Variants in PRKCH observed in about 807,000 individuals in gnomAD.
PRKCH encodes the protein protein kinase C eta type.
A neutral mutation model predicts 82.5 loss-of-function variants in PRKCH; 28 were observed. The observed-to-expected ratio is 0.34, with a 90% CI of 0.25 to 0.47. The LOEUF (loss-of-function observed/expected upper bound fraction) is 0.47, where lower values mean the gene tolerates loss of function less well. Among genes scored for constraint, PRKCH ranks in the 20% least tolerant of loss-of-function variants. The probability of loss-of-function intolerance (pLI) is 1.00; values close to 1 mark genes in which losing one functional copy is unlikely to be tolerated. For synonymous variants in PRKCH, 322 were observed against 327.4 expected (o/e 0.98, Z 0.18); for missense variants, 705 against 881.8 (o/e 0.80, Z 2.54).
intron 2 of PRKCH, among the ~76,000 whole-genome samples, chr14:61,412,678 C>T (rs1882330973): frequency 6.6e-6 from 1 of 152,176 alleles, no homozygotes; most frequent in African/African-American, 2.4e-5. Context: ...TGGCATTAAG[C>T]AGATACTTAG....
intron 2 of PRKCH, among the ~76,000 whole-genome samples, chr14:61,428,120 T>C (rs979681257): frequency 6.6e-6 from 1 of 150,512 alleles, no homozygotes; most frequent in Admixed American, 6.6e-5. Context: ...CACATATATA[T>C]ATATATATAT....
intron 5 of PRKCH, among the ~76,000 whole-genome samples, chr14:61,449,935 C>A (rs1369665887): frequency 6.7e-6 from 1 of 149,966 alleles, no homozygotes; most frequent in Non-Finnish European, 1.5e-5. Context: ...TGTGTATAAG[C>A]TTCAACATCA....
At position 61,254,541 on chromosome 14, in the gene PRKCH, G is replaced by A. The variant is rs142733748; in HGVS notation, c.-19+66873G>A. Among the ~76,000 whole-genome samples, 77 of 152,208 alleles carry A rather than the reference G, an allele frequency of 5.1e-4. 2 individuals are homozygous for A. In the East Asian group the frequency reaches 0.013, roughly 26 times the overall value. On this transcript the variant is annotated intron_variant, in intron 1 of 3. Transcript: ENST00000555185. ...TGAGACGGGAGAATCACTTGAGCTC[G>A]GGAGGTAGAGGCTGCAGTGAGCTGT...
At chr14:61,410,952 G>C (rs1882237067) in intron 2 of PRKCH, among the ~76,000 whole-genome samples, 1 of 152,210 alleles carries the variant, frequency 6.6e-6, no homozygotes, top group African/African-American at 2.4e-5. Context: ...TTGAAAATGA[G>C]GGTGATTGCA....
chr14:61,488,108 C>T (rs1026285222), intron 10 of PRKCH, among the ~76,000 whole-genome samples: 4 of 151,122 alleles, frequency 2.6e-5, no homozygotes, highest in South Asian at 2.1e-4. Flanking sequence ...GAGCCGAGAT[C>T]GCGCCACCGC....
chr14:61,374,946 T>A (rs1004080287), intron 1 of PRKCH, among the ~76,000 whole-genome samples: 1 of 152,098 alleles, frequency 6.6e-6, no homozygotes, highest in Non-Finnish European at 1.5e-5. Context: ...ATGGTTGTAC[T>A]GCAAATTTTC....
At chr14:61,188,616 GT>G (rs1175442364) in intron 1 of PRKCH, among the ~76,000 whole-genome samples, 982 of 34,446 alleles carry the variant, frequency 0.029, 162 homozygotes, top group African/African-American at 0.035. Context: ...GGTGTGGTGT[GT>G]GTGTGTGTGT....
rs576760860 is a variant in PRKCH at position 61,495,498 on chromosome 14, C to A, written c.1433+9842C>A. On this transcript the variant is annotated intron_variant, in intron 10 of 13. Transcript: ENST00000332981. ...AACAAGAAAAATACAGTCATTTAAT[C>A]TTTATGTATTAAATGAACACAACCA... Among the ~76,000 whole-genome samples, 102 of 152,278 alleles carry A rather than the reference C, an allele frequency of 6.7e-4. 2 individuals carry two copies. The South Asian group carries it at 0.021, about 32-fold the overall frequency.
At chr14:61,307,390 T>G (rs1358865822) in intron 1 of PRKCH, among the ~76,000 whole-genome samples, 1 of 152,222 alleles carries the variant, frequency 6.6e-6, no homozygotes, top group African/African-American at 2.4e-5. Flanking sequence ...AATTTATATG[T>G]TTTACTTTAT....
intron 8 of PRKCH, 51 bp from the exon 9 acceptor site, chr14:61,457,455 T>C: frequency 6.2e-7 from 1 of 1,602,284 alleles, no homozygotes; most frequent in Non-Finnish European, 8.5e-7. Flanking sequence ...GCACACACCC[T>C]AAGACCCCCA....
chr14:61,392,933 A>G (rs1355231525), intron 2 of PRKCH, among the ~76,000 whole-genome samples: 1 of 151,934 alleles, frequency 6.6e-6, no homozygotes, highest in Non-Finnish European at 1.5e-5. Flanking sequence ...GATGTTACAG[A>G]GGAGTTGAAA....
intron 2 of PRKCH, among the ~76,000 whole-genome samples, chr14:61,430,848 G>A (rs934543140): frequency 1.2e-4 from 18 of 151,470 alleles, no homozygotes; most frequent in Admixed American, 4.6e-4. Flanking sequence ...GCTGCCTCCC[G>A]GGTTCAAGCG....
At chr14:61,392,596 T>C (rs2046700782) in intron 2 of PRKCH, among the ~76,000 whole-genome samples, 1 of 152,202 alleles carries the variant, frequency 6.6e-6, no homozygotes, top group Non-Finnish European at 1.5e-5. Context: ...GGATTTGTCT[T>C]TCTATTATTG....
intron 1 of PRKCH, chr14:61,322,758 T>G: frequency 3.0e-6 from 1 of 334,514 alleles, no homozygotes; most frequent in Non-Finnish European, 5.5e-6. Context: ...CGCCCAGTCT[T>G]TGGGTAAGGA....
chr14:61,396,885 T>C (rs1233127752), intron 2 of PRKCH, among the ~76,000 whole-genome samples: 1 of 152,144 alleles, frequency 6.6e-6, no homozygotes, highest in African/African-American at 2.4e-5. Flanking sequence ...AGAATAATTA[T>C]ACAACAGCGC....
At chr14:61,523,555 A>G (rs961223189) in intron 10 of PRKCH, among the ~76,000 whole-genome samples, 10 of 152,242 alleles carry the variant, frequency 6.6e-5, no homozygotes, top group Admixed American at 1.3e-4. Context: ...AGCCTACTTC[A>G]TAGAGTTATT....
intron 10 of PRKCH, among the ~76,000 whole-genome samples, chr14:61,520,124 A>G (rs988905592): frequency 6.6e-6 from 1 of 152,136 alleles, no homozygotes; most frequent in African/African-American, 2.4e-5. Flanking sequence ...ATGTAAACAC[A>G]TTTTAATGAC....
At position 61,529,191 on chromosome 14, in the gene PRKCH, C is replaced by A; in HGVS notation, c.1550C>A (p.Thr517Lys). Residue 517 changes from threonine to lysine, a missense_variant, in exon 11 of 14, where the codon ACG becomes AAG. Around this residue, in one of 5 missense-constraint regions of PRKCH, gnomAD observed 115 missense variants for 193.8 expected, o/e 0.59. Transcript: ENST00000332981. ...NGVTTATFCG[T>K]PDYIAPEILQ... ...GTCACCACGGCCACATTCTGTGGCA[C>A]GCCAGACTATATCGCTCCAGAGGTG... The A allele has an allele frequency of 6.2e-7, 1 of 1,613,540 alleles. No individual in the cohort carries two copies. Among genetic ancestry groups the A allele is most frequent in the Non-Finnish European group, 8.5e-7 (1 of 1,179,666 alleles).
intron 1 of PRKCH, among the ~76,000 whole-genome samples, chr14:61,383,008 C>T (rs2046534204): frequency 6.6e-6 from 1 of 152,194 alleles, no homozygotes; most frequent in Admixed American, 6.5e-5. Flanking sequence ...GACAAGGAGA[C>T]TTAACCAGTG....
Sources: gnomAD v4.1 joint callset for allele counts (sites outside exome capture counted in the v4.1 genomes callset) on GRCh38, gnomAD v4.1.1 for gene constraint, gnomAD v4.1.1 regional missense constraint, MANE v1.5 for transcripts, NCBI Gene and HGNC (gene_info 2026-07-23, HGNC 2026-07-21) for gene names.